Variants in MAN1A2 observed in about 807,000 individuals in gnomAD.
The protein encoded by MAN1A2 is mannosidase alpha class 1A member 2.
Under a neutral mutation model 75.7 loss-of-function variants are expected in MAN1A2, and 26 were observed. The ratio of observed to expected loss-of-function variants is 0.34; its 90% confidence interval spans 0.25 to 0.48. MAN1A2 has a LOEUF of 0.48. MAN1A2 is among the 20% of genes least tolerant of loss of function. The probability of loss-of-function intolerance (pLI) is 0.99; values close to 1 mark genes in which losing one functional copy is unlikely to be tolerated. For synonymous variants in MAN1A2, 247 were observed against 264.6 expected, an observed-to-expected ratio of 0.93 and a Z score of 0.65; for missense variants, 562 against 775.5, an observed-to-expected ratio of 0.72 and a Z score of 3.27.
chr1:117,384,877 C>G (rs563259576), intron 1 of MAN1A2, among the ~76,000 whole-genome samples: 1 of 152,150 alleles, frequency 6.6e-6, no homozygotes, highest in African/African-American at 2.4e-5. Context: ...TTGGTGGTAC[C>G]TAGTAGGGAA....
chr1:117,498,952 A>G (rs77522328), intron 10 of MAN1A2, among the ~76,000 whole-genome samples: 2,166 of 151,912 alleles, frequency 0.014, 45 homozygotes, highest in African/African-American at 0.045. Flanking sequence ...ATGTTTCCTT[A>G]TATGTGTGTA....
chr1:117,389,161 AAAAG>A (rs1431950965), intron 1 of MAN1A2, among the ~76,000 whole-genome samples: 2 of 152,222 alleles, frequency 1.3e-5, no homozygotes, highest in Non-Finnish European at 2.9e-5. Context: ...TATTGAAGCT[AAAAG>A]AAAGAACGAG....
intron 5 of MAN1A2, among the ~76,000 whole-genome samples, chr1:117,421,092 C>T (rs956387202): frequency 1.3e-5 from 2 of 152,038 alleles, no homozygotes; most frequent in Admixed American, 1.3e-4. Context: ...ACTCTGAATT[C>T]TCCTCTCTGG....
intron 1 of MAN1A2, among the ~76,000 whole-genome samples, chr1:117,384,126 A>G (rs1285772663): frequency 2.6e-5 from 4 of 152,036 alleles, no homozygotes; most frequent in African/African-American, 9.7e-5. Context: ...TCTCTGTTTT[A>G]TCACCACTGT....
At chr1:117,428,036 T>G (rs1648434142) in intron 5 of MAN1A2, among the ~76,000 whole-genome samples, 1 of 151,560 alleles carries the variant, frequency 6.6e-6, no homozygotes, top group African/African-American at 2.4e-5. Context: ...GGGACAAACA[T>G]TAAAGAAAAA....
intron 6 of MAN1A2, among the ~76,000 whole-genome samples, chr1:117,458,491 A>C (rs1191995071): frequency 6.0e-5 from 4 of 66,504 alleles, no homozygotes; most frequent in East Asian, 3.6e-4. Flanking sequence ...AGAAATATAT[A>C]TATATCTATA....
At chr1:117,397,183 T>C (rs1456873943) in intron 1 of MAN1A2, among the ~76,000 whole-genome samples, 1 of 152,186 alleles carries the variant, frequency 6.6e-6, no homozygotes, top group Non-Finnish European at 1.5e-5. Flanking sequence ...AATAGTTTAC[T>C]CACTAAACTC....
intron 3 of MAN1A2, 122 bp from the exon 4 acceptor site, chr1:117,414,591 T>G (rs1325770369): frequency 1.8e-6 from 1 of 547,984 alleles, no homozygotes; most frequent in African/African-American, 1.9e-5. Context: ...TTACTTTAGT[T>G]TACCTTTATA....
intron 6 of MAN1A2, among the ~76,000 whole-genome samples, chr1:117,445,896 A>ATATATG (rs1570750529): frequency 2.1e-5 from 3 of 144,344 alleles, no homozygotes; most frequent in South Asian, 4.3e-4. Flanking sequence ...ATATATATAT[A>ATATATG]TATGTATATA....
chr1:117,393,476 ATT>A (rs755130917), intron 1 of MAN1A2, among the ~76,000 whole-genome samples: 1 of 144,920 alleles, frequency 6.9e-6, no homozygotes, highest in African/African-American at 2.5e-5. Flanking sequence ...TGCTTCAACT[ATT>A]TTTTTTTTTG....
chr1:117,465,521 T>C (rs900587886), intron 7 of MAN1A2, among the ~76,000 whole-genome samples: 1 of 152,164 alleles, frequency 6.6e-6, no homozygotes, highest in African/African-American at 2.4e-5. Flanking sequence ...AGAATTGATA[T>C]TGTACTCAGG....
intron 12 of MAN1A2, chr1:117,514,767 A>G (rs1294403172): frequency 1.9e-6 from 1 of 517,764 alleles, no homozygotes; most frequent in African/African-American, 2.0e-5. Flanking sequence ...GATGAGGGGA[A>G]AAAACGGTTA....
intron 9 of MAN1A2, 119 bp downstream of exon 9, chr1:117,493,381 A>G: frequency 1.8e-6 from 1 of 561,200 alleles, no homozygotes; most frequent in Non-Finnish European, 3.2e-6. Context: ...ACATACAAAC[A>G]TTTTATTATA....
At chr1:117,487,310 G>T (rs2101866881) in intron 8 of MAN1A2, among the ~76,000 whole-genome samples, 1 of 152,134 alleles carries the variant, frequency 6.6e-6, no homozygotes, top group African/African-American at 2.4e-5. Context: ...CAAGATGACA[G>T]CTGTGGAGTA....
At chr1:117,504,469 T>G (rs1049660135) in intron 12 of MAN1A2, among the ~76,000 whole-genome samples, 3 of 151,226 alleles carry the variant, frequency 2.0e-5, no homozygotes, top group African/African-American at 7.3e-5. Flanking sequence ...TTTATTTTGC[T>G]GGACAAGTTG....
At chr1:117,370,737 T>TTGTGTGTGTGTG (rs1557921922) in intron 1 of MAN1A2, among the ~76,000 whole-genome samples, 1 of 43,882 alleles carries the variant, frequency 2.3e-5, no homozygotes, top group South Asian at 1.1e-3. Context: ...TATCTTCATT[T>TTGTGTGTGTGTG]AGTGTGTGTG....
At chr1:117,435,576 T>C (rs550963489) in intron 5 of MAN1A2, among the ~76,000 whole-genome samples, 1 of 152,296 alleles carries the variant, frequency 6.6e-6, no homozygotes, top group East Asian at 1.9e-4. Flanking sequence ...TGTGTTATTA[T>C]GTCAGTAGCA....
chr1:117,429,783 A>G (rs1446084049), intron 5 of MAN1A2, among the ~76,000 whole-genome samples: 3 of 92,618 alleles, frequency 3.2e-5, no homozygotes, highest in Non-Finnish European at 4.4e-5. Context: ...TCCCTCCCGG[A>G]CGGGGCGGCT....
intron 3 of MAN1A2, among the ~76,000 whole-genome samples, chr1:117,408,662 T>A (rs1647699464): frequency 6.6e-6 from 1 of 152,184 alleles, no homozygotes; most frequent in African/African-American, 2.4e-5. Flanking sequence ...AGAAAATGAT[T>A]TGGGAAGTGT....
Sources: gnomAD v4.1 joint callset for allele counts (sites outside exome capture counted in the v4.1 genomes callset) on GRCh38, gnomAD v4.1.1 for gene constraint, MANE v1.5 for transcripts, NCBI Gene and HGNC (gene_info 2026-07-23, HGNC 2026-07-21) for gene names.